The following ARSL variants were observed in gnomAD, a reference collection of about 807,000 sequenced individuals.
ARSL encodes the protein arylsulfatase L.
In ARSL, 4 loss-of-function variants were observed where a neutral mutation model predicts 31.1. That is an observed-to-expected ratio of 0.13 (90% CI 0.06 to 0.29). The LOEUF (loss-of-function observed/expected upper bound fraction) is 0.29, where lower values mean the gene tolerates loss of function less well. ARSL is among the 10% of genes least tolerant of loss of function. The probability of loss-of-function intolerance (pLI) is 1.00; values close to 1 mark genes in which losing one functional copy is unlikely to be tolerated. For synonymous variants in ARSL, 198 were observed against 209.9 expected (o/e 0.94, Z 0.49); for missense variants, 312 against 497.8 (o/e 0.63, Z 3.55).
At chrX:2,956,982 G>C (rs1263486664) in intron 3 of ARSL, among the ~76,000 whole-genome samples, 1 of 106,443 alleles carries the variant, frequency 9.4e-6, no homozygotes, top group Non-Finnish European at 1.9e-5. Context: ...AGCACTTTGG[G>C]AGGCTGAGGC....
intron 7 of ARSL, among the ~76,000 whole-genome samples, chrX:2,943,547 G>T (rs983914435): frequency 3.7e-5 from 4 of 108,615 alleles, no homozygotes; most frequent in African/African-American, 1.3e-4. Context: ...TTGTAGACCA[G>T]CCTGGCCAAC....
At chrX:2,958,901 C>T (rs2238847) in intron 2 of ARSL, among the ~76,000 whole-genome samples, 2 of 111,677 alleles carry the variant, frequency 1.8e-5, no homozygotes, top group African/African-American at 6.5e-5. Context: ...GTGGGAGGAT[C>T]GCTTGAGCCT....
intron 8 of ARSL, among the ~76,000 whole-genome samples, chrX:2,941,508 G>T (rs2089282584): frequency 9.0e-6 from 1 of 111,440 alleles, no homozygotes; most frequent in African/African-American, 3.3e-5. Context: ...ACCCGCCTTG[G>T]CCTCCCAAAG....
chrX:2,948,279 C>T (rs1386970331), intron 6 of ARSL, among the ~76,000 whole-genome samples: 2 of 111,905 alleles, frequency 1.8e-5, no homozygotes, highest in Non-Finnish European at 3.8e-5. Flanking sequence ...AGTTTCATCC[C>T]ATTTCTCCTG....
intron 7 of ARSL, among the ~76,000 whole-genome samples, chrX:2,945,737 G>C (rs752078304): frequency 9.0e-6 from 1 of 111,658 alleles, no homozygotes; most frequent in Admixed American, 9.5e-5. Flanking sequence ...TTCTGTCTAG[G>C]GAGTGGACAG....
At chrX:2,960,463 A>G (rs755097419) in intron 1 of ARSL, 43 bp from the exon 2 acceptor site, 1 of 1,178,276 alleles carries the variant, frequency 8.5e-7, no homozygotes, top group Admixed American at 2.2e-5. Flanking sequence ...GACAGCAGAA[A>G]TTGACCTGAT....
intron 1 of ARSL, 60 bp from the exon 2 acceptor site, chrX:2,960,480 T>A (rs2089610512): frequency 8.9e-7 from 1 of 1,120,315 alleles, no homozygotes; most frequent in Non-Finnish European, 1.2e-6. Flanking sequence ...TGATTATAAA[T>A]AAAACAGTAA....
chrX:2,968,091 G>A (rs754169147), upstream of ARSL: 1 of 1,143,207 alleles, frequency 8.7e-7, no homozygotes, highest in Non-Finnish European at 1.2e-6. Flanking sequence ...ATCCCCTGGA[G>A]CGTCTCTGCA....
chrX:2,950,366 C>T (rs968839109), intron 5 of ARSL, among the ~76,000 whole-genome samples: 6 of 112,015 alleles, frequency 5.4e-5, no homozygotes, highest in African/African-American at 1.9e-4. Context: ...CAGAATGTGA[C>T]TGTGTTTGGA....
chrX:2,947,811 T>G (rs1009236801), intron 6 of ARSL, among the ~76,000 whole-genome samples: 2 of 112,705 alleles, frequency 1.8e-5, no homozygotes, highest in Non-Finnish European at 1.9e-5. Flanking sequence ...CTGTCATACA[T>G]TAGGTATTGC....
intron 4 of ARSL, among the ~76,000 whole-genome samples, chrX:2,954,881 T>C (rs1210347222): frequency 9.0e-6 from 1 of 111,473 alleles, no homozygotes. Context: ...TGGAAAGTAA[T>C]GGGCAAGGTA....
At position 2,958,250 on chromosome X, in the gene ARSL, GGTGA is replaced by G; in HGVS notation, c.185+20_185+23del. On this transcript the variant is annotated intron_variant, in intron 3 of 10. Coordinates refer to ENST00000381134, the MANE Select transcript of ARSL (RefSeq NM_000047.3). The stretch of plus-strand genomic sequence containing the variant: ...TCTGGTGTCTGCATTGGGGGCACCA[GGTGA>G]GTAATTCTCTGTCCCTTGCCTCATG... 1 of 1,210,491 alleles carries G rather than the reference GGTGA, an allele frequency of 8.3e-7. No homozygotes were observed. Among genetic ancestry groups the G allele is most frequent in the East Asian group, 3.0e-5 (1 of 33,818 alleles).
rs1278482680 is a variant in ARSL at position 2,934,945 on chromosome X, T to G, written c.1657A>C (p.Ser553Arg). 2 of 1,210,651 alleles carry G rather than the reference T, an allele frequency of 1.7e-6. No individual in the cohort carries two copies. Among genetic ancestry groups the G allele is most frequent in the East Asian group, 3.0e-5 (1 of 33,808 alleles). ...CTGTCCAGCTGCAGAGGAACTGGGC[T>G]GAGTGTCCGCTGGTGTTCCCACACC... ...QAVWEHQRTL[S>R]PVPLQLDRLG... is the part of the protein sequence containing the mutation. The change falls in exon 11 of 11, where the codon AGC (serine) becomes CGC (arginine). Residue 553 changes from serine to arginine, a missense_variant. Ser to Arg is a moderately radical substitution (Grantham distance 110). Coordinates refer to ENST00000381134, the MANE Select transcript of ARSL (RefSeq NM_000047.3).
intron 8 of ARSL, 144 bp from the exon 9 acceptor site, chrX:2,938,401 T>TC: frequency 2.3e-6 from 2 of 869,982 alleles, no homozygotes; most frequent in Non-Finnish European, 3.2e-6. Context: ...TCTCTCTCTG[T>TC]TTTAGTGACA....
intron 4 of ARSL, among the ~76,000 whole-genome samples, chrX:2,953,567 T>G (rs1284332420): frequency 8.9e-6 from 1 of 112,106 alleles, no homozygotes; most frequent in Non-Finnish European, 1.9e-5. Context: ...AATTAATTTA[T>G]TTAAAGATGG....
upstream of ARSL, among the ~76,000 whole-genome samples, chrX:2,965,255 C>T (rs1420671628): frequency 9.0e-6 from 1 of 111,603 alleles, no homozygotes; most frequent in African/African-American, 3.3e-5. Flanking sequence ...AATTCCAGCA[C>T]TTTGGGAGGA....
intron 3 of ARSL, among the ~76,000 whole-genome samples, chrX:2,956,894 A>G (rs1338429709): frequency 9.1e-6 from 1 of 109,701 alleles, no homozygotes; most frequent in Non-Finnish European, 1.9e-5. Context: ...TTACAGGTGC[A>G]TGCCATCATG....
intron 7 of ARSL, among the ~76,000 whole-genome samples, chrX:2,944,959 G>C (rs892933230): frequency 9.1e-6 from 1 of 109,809 alleles, no homozygotes; most frequent in East Asian, 2.8e-4. Context: ...AGAAGTGGAA[G>C]AGGAAGAAGA....
chrX:2,941,862 T>C (rs2089287119), intron 8 of ARSL, among the ~76,000 whole-genome samples: 1 of 112,461 alleles, frequency 8.9e-6, no homozygotes, highest in Non-Finnish European at 1.9e-5. Flanking sequence ...ATAAACCTCT[T>C]CAAATGTTTT....
Sources: allele counts gnomAD v4.1 joint callset (sites outside exome capture counted in the v4.1 genomes callset), GRCh38; gene constraint gnomAD v4.1.1; transcripts MANE v1.5; gene names NCBI Gene and HGNC (gene_info 2026-07-23, HGNC 2026-07-21).